ZMYM2: variants seen among roughly 807,000 people sequenced by gnomAD.
ZMYM2 encodes the protein zinc finger MYM-type containing 2.
A neutral mutation model predicts 162.8 loss-of-function variants in ZMYM2; 56 were observed. The observed-to-expected ratio is 0.34, with a 90% CI of 0.28 to 0.43. The LOEUF (loss-of-function observed/expected upper bound fraction) is 0.43, where lower values mean the gene tolerates loss of function less well. Ranked by LOEUF, ZMYM2 falls within the 20% of genes least tolerant of loss-of-function variation. ZMYM2 has a pLI of 1.00. For missense variants in ZMYM2, 1,275 were observed against 1,621.8 expected, an observed-to-expected ratio of 0.79 and a Z score of 3.67; for synonymous variants, 510 against 541.6, an observed-to-expected ratio of 0.94 and a Z score of 0.81.
the ZMYM2 span, among the ~76,000 whole-genome samples, chr13:19,930,917 A>T: frequency 6.6e-6 from 1 of 151,188 alleles, no homozygotes; most frequent in Non-Finnish European, 1.5e-5. Context: ...AGGCGGGCAG[A>T]TCAAGAGGTC....
intron 12 of ZMYM2, among the ~76,000 whole-genome samples, chr13:20,040,751 T>G (rs1445514952): frequency 6.6e-6 from 1 of 152,198 alleles, no homozygotes; most frequent in East Asian, 1.9e-4. Flanking sequence ...GTGCTATAAA[T>G]TTCCCTCTCA....
chr13:19,920,994 C>T, the ZMYM2 span, among the ~76,000 whole-genome samples: 1 of 151,810 alleles, frequency 6.6e-6, no homozygotes, highest in Non-Finnish European at 1.5e-5. Context: ...TGGTCTCCAT[C>T]CCTTGACCTC....
chr13:19,991,933 A>G (rs1243690267), intron 2 of ZMYM2, among the ~76,000 whole-genome samples: 1 of 152,080 alleles, frequency 6.6e-6, no homozygotes, highest in Non-Finnish European at 1.5e-5. Context: ...CTCCCTCTGC[A>G]TGTCTTTTAT....
chr13:19,905,315 T>C, the ZMYM2 span, among the ~76,000 whole-genome samples: 1 of 152,082 alleles, frequency 6.6e-6, no homozygotes, highest in Non-Finnish European at 1.5e-5. Flanking sequence ...GCCTGGCCTA[T>C]TTTTTTCTAT....
the ZMYM2 span, among the ~76,000 whole-genome samples, chr13:19,912,292 G>GTTTTTTTTTT: frequency 2.6e-5 from 2 of 75,714 alleles, no homozygotes; most frequent in African/African-American, 5.2e-5. Context: ...TGTTTTTTGG[G>GTTTTTTTTTT]TTTTTTTTTT....
At chr13:19,916,354 A>G in the ZMYM2 span, among the ~76,000 whole-genome samples, 1 of 152,208 alleles carries the variant, frequency 6.6e-6, no homozygotes, top group Non-Finnish European at 1.5e-5. Context: ...CAGTGATCCC[A>G]TTACTGGGTA....
intron 2 of ZMYM2, among the ~76,000 whole-genome samples, chr13:19,975,101 T>C (rs1956667653): frequency 6.6e-6 from 1 of 151,834 alleles, no homozygotes; most frequent in Admixed American, 6.6e-5. Context: ...TTTATTACGA[T>C]ATGACAAAAA....
intron 1 of ZMYM2, 78 bp from the exon 2 acceptor site, chr13:19,959,880 C>A (rs1451556035): frequency 6.6e-6 from 1 of 152,248 alleles, no homozygotes; most frequent in Non-Finnish European, 1.5e-5. Flanking sequence ...TTCTCTGCCT[C>A]CTTCTGGCAG....
Position 19,993,178 on chromosome 13 carries a change from A to G in ZMYM2, c.106A>G (p.Ser36Gly), listed in dbSNP as rs758359530. ...TSLTNVGNSF[S>G]GPANPLVSRS... ...TCTCACGAATGTAGGAAACTCATTT[A>G]GTGGTCCAGCTAATCCTTTAGTGTC... Residue 36 changes from serine (S) to glycine (G), a missense_variant, in exon 3 of 25, where the codon AGT becomes GGT. Ser to Gly is a moderately conservative substitution (Grantham distance 56). Coordinates refer to ENST00000610343, the MANE Select transcript of ZMYM2 (RefSeq NM_197968.4). 49 of 1,614,060 alleles carry G rather than the reference A, an allele frequency of 3.0e-5. No homozygotes were observed. Among genetic ancestry groups the G allele is most frequent in the Non-Finnish European group, 4.0e-5 (47 of 1,180,026 alleles).
At chr13:19,865,840 AGT>A in the ZMYM2 span, among the ~76,000 whole-genome samples, 1 of 152,222 alleles carries the variant, frequency 6.6e-6, no homozygotes, top group African/African-American at 2.4e-5. Flanking sequence ...TCAACAAGAT[AGT>A]GTCATTTATT....
chr13:20,015,643 T>G (rs938133825), intron 6 of ZMYM2, among the ~76,000 whole-genome samples: 1 of 152,176 alleles, frequency 6.6e-6, no homozygotes, highest in Admixed American at 6.5e-5. Flanking sequence ...TTTATTTAAG[T>G]GTATTTTGGG....
At chr13:19,907,187 T>TTACTTTATTTTAATTTTGTC in the ZMYM2 span, among the ~76,000 whole-genome samples, 1 of 152,220 alleles carries the variant, frequency 6.6e-6, no homozygotes, top group African/African-American at 2.4e-5. Flanking sequence ...AACTTATAAA[T>TTACTTTATTTTAATTTTGTC]TACTTTATTT....
At chr13:19,950,062 C>G in the ZMYM2 span, among the ~76,000 whole-genome samples, 2 of 151,824 alleles carry the variant, frequency 1.3e-5, no homozygotes, top group African/African-American at 4.8e-5. Context: ...TACTTAAACC[C>G]GGGAGTTGGA....
At chr13:19,878,573 G>C in the ZMYM2 span, among the ~76,000 whole-genome samples, 1 of 136,668 alleles carries the variant, frequency 7.3e-6, no homozygotes, top group East Asian at 2.2e-4. Flanking sequence ...TCAGGCTGGA[G>C]TACAGTGGCA....
In ZMYM2 at chr13:20,061,082, A is replaced by G. The variant is rs1447563069; in HGVS notation, c.2769A>G (p.Pro923=). The G allele has an allele frequency of 2.5e-6, 4 of 1,612,296 alleles. No individual in the cohort carries two copies. The highest frequency in any genetic ancestry group is 1.7e-5 in the Admixed American group (1 of 59,772). The part of the protein sequence containing the change: ...PVPVPVFLPA[P]LDSSEKIPAA... ...CAGTTCCTGTTTTTCTGCCTGCTCCATTGGACAGCAGTGAGAAGATTCCTG... is the reference window on the plus strand; with the variant it reads ...CAGTTCCTGTTTTTCTGCCTGCTCCGTTGGACAGCAGTGAGAAGATTCCTG... The change falls in exon 17 of 25, where the codon CCA becomes CCG. Residue 923 remains proline (P), a synonymous_variant. Coordinates refer to ENST00000610343, the MANE Select transcript of ZMYM2 (RefSeq NM_197968.4).
At chr13:20,027,342 C>T in intron 9 of ZMYM2, 24 bp downstream of exon 9, 1 of 1,482,896 alleles carries the variant, frequency 6.7e-7, no homozygotes, top group Non-Finnish European at 9.2e-7. Flanking sequence ...TTTGCATAAC[C>T]CATGCCCCCA....
chr13:19,948,957 G>C, the ZMYM2 span, among the ~76,000 whole-genome samples: 1 of 152,204 alleles, frequency 6.6e-6, no homozygotes, highest in Non-Finnish European at 1.5e-5. Flanking sequence ...TTGTGTGTAT[G>C]TGTTTTTGTT....
chr13:19,931,346 A>T, the ZMYM2 span, among the ~76,000 whole-genome samples: 5,885 of 152,014 alleles, frequency 0.039, 169 homozygotes, highest in East Asian at 0.14. Context: ...TATTGTTCAT[A>T]TAGAGATATT....
At chr13:20,016,441 T>A (rs1951635018) in intron 6 of ZMYM2, among the ~76,000 whole-genome samples, 1 of 152,200 alleles carries the variant, frequency 6.6e-6, no homozygotes, top group African/African-American at 2.4e-5. Context: ...TTTTGTATTC[T>A]CCCATATATT....
Sources: allele counts gnomAD v4.1 joint callset (sites outside exome capture counted in the v4.1 genomes callset), GRCh38; gene constraint gnomAD v4.1.1; transcripts MANE v1.5; gene names NCBI Gene and HGNC (gene_info 2026-07-23, HGNC 2026-07-21).